KCNMA1: variants seen among roughly 807,000 people sequenced by gnomAD.
KCNMA1 encodes the protein Calcium-activated potassium channel subunit alpha-1.
Under a neutral mutation model 140.0 loss-of-function variants are expected in KCNMA1, and 29 were observed. The observed-to-expected ratio is 0.21, with a 90% confidence interval of 0.15 to 0.28. KCNMA1 has a LOEUF of 0.28. Ranked by LOEUF, KCNMA1 falls within the 10% of genes least tolerant of loss-of-function variation. The probability of loss-of-function intolerance (pLI) is 1.00; values close to 1 mark genes in which losing one functional copy is unlikely to be tolerated. For missense variants in KCNMA1, 880 were observed against 1,602.2 expected, an observed-to-expected ratio of 0.55 and a Z score of 7.70; for synonymous variants, 612 against 611.9, an observed-to-expected ratio of 1.00 and a Z score of 0.00.
At chr10:77,498,471 A>T (rs1272296891) in intron 1 of KCNMA1, 2 of 152,272 alleles carry the variant, frequency 1.3e-5, no homozygotes, top group Non-Finnish European at 2.9e-5. Context: ...GTTAAACAGC[A>T]AGCCAGATGC....
At chr10:77,553,648 C>A (rs765701549) in intron 1 of KCNMA1, among the ~76,000 whole-genome samples, 2 of 152,242 alleles carry the variant, frequency 1.3e-5, no homozygotes, top group African/African-American at 2.4e-5. Context: ...CAGAAAGCTG[C>A]TTCTACTTCA....
intron 2 of KCNMA1, among the ~76,000 whole-genome samples, chr10:77,300,551 A>G (rs1308906940): frequency 6.6e-6 from 1 of 152,224 alleles, no homozygotes; most frequent in African/African-American, 2.4e-5. Flanking sequence ...ATCAGTCCAT[A>G]TGTTAATACA....
chr10:77,490,237 G>A (rs993585289), intron 1 of KCNMA1, among the ~76,000 whole-genome samples: 5 of 152,170 alleles, frequency 3.3e-5, no homozygotes, highest in Admixed American at 3.3e-4. Flanking sequence ...TTGTGGCAAA[G>A]ATTCCTCTTA....
chr10:77,083,822 G>C (rs948219680), intron 12 of KCNMA1, among the ~76,000 whole-genome samples: 3 of 136,024 alleles, frequency 2.2e-5, no homozygotes. Context: ...GCGATAGTGC[G>C]AGACTCTGTC....
Position 76,975,636 on chromosome 10 carries a change from C to T in KCNMA1, c.2267-5569G>A, listed in dbSNP as rs181472558. 1.2e-4 allele frequency among the ~76,000 whole-genome samples: 19 copies of T among 152,282 alleles called. No homozygotes were observed. The East Asian group carries it at 1.4e-3, about 11-fold the overall frequency. On this transcript the variant is annotated intron_variant, in intron 19 of 27. Coordinates refer to ENST00000286628, the MANE Select transcript of KCNMA1 (RefSeq NM_001161352.2). The stretch of plus-strand genomic sequence containing the variant: ...AGCCAGGCAATGGAGCCAAGTTCTA[C>T]GCCCAGAGAGTAGTGGGCAGTATCA...
chr10:76,958,167 A>G (rs989256648), intron 20 of KCNMA1, among the ~76,000 whole-genome samples: 5 of 152,234 alleles, frequency 3.3e-5, no homozygotes, highest in Admixed American at 1.3e-4. Context: ...GAGGATCATG[A>G]GAAATCTCCC....
chr10:77,529,768 G>A (rs186649872), intron 1 of KCNMA1, among the ~76,000 whole-genome samples: 1 of 152,032 alleles, frequency 6.6e-6, no homozygotes, highest in East Asian at 1.9e-4. Flanking sequence ...AGAGTGACCA[G>A]GCCAACCAAG....
intron 1 of KCNMA1, among the ~76,000 whole-genome samples, chr10:77,463,014 C>T (rs2097907913): frequency 6.6e-6 from 1 of 152,150 alleles, no homozygotes; most frequent in South Asian, 2.1e-4. Flanking sequence ...GAAGGTCCTC[C>T]TGGGGTGGGG....
intron 5 of KCNMA1, among the ~76,000 whole-genome samples, chr10:77,151,857 T>G (rs2098422003): frequency 6.6e-6 from 1 of 152,232 alleles, no homozygotes; most frequent in Admixed American, 6.5e-5. Context: ...TCAGGAAATC[T>G]TGCAATTTTC....
chr10:77,593,235 C>T (rs2079776583), intron 1 of KCNMA1, among the ~76,000 whole-genome samples: 1 of 152,122 alleles, frequency 6.6e-6, no homozygotes, highest in Non-Finnish European at 1.5e-5. Context: ...GAACCATAAT[C>T]CAAAGTAAAA....
At chr10:77,304,086 C>A (rs528160191) in intron 2 of KCNMA1, among the ~76,000 whole-genome samples, 16 of 152,232 alleles carry the variant, frequency 1.1e-4, no homozygotes, top group African/African-American at 3.4e-4. Context: ...CCATAAGAAC[C>A]ACAATGGGTC....
intron 2 of KCNMA1, among the ~76,000 whole-genome samples, chr10:77,253,586 C>T (rs2060108655): frequency 6.6e-6 from 1 of 152,166 alleles, no homozygotes; most frequent in Admixed American, 6.5e-5. Context: ...ATCCTGCTAC[C>T]CTCTGAAGAT....
chr10:77,523,249 TAATA>T (rs1471179377), intron 1 of KCNMA1, among the ~76,000 whole-genome samples: 2 of 146,546 alleles, frequency 1.4e-5, no homozygotes, highest in Non-Finnish European at 3.0e-5. Flanking sequence ...AGTAGGTGCT[TAATA>T]AATAGTTATA....
intron 3 of KCNMA1, among the ~76,000 whole-genome samples, chr10:77,237,488 C>T (rs951703131): frequency 1.3e-5 from 2 of 152,196 alleles, no homozygotes; most frequent in Non-Finnish European, 2.9e-5. Context: ...GACAGGGTCT[C>T]ACTCTGTCCC....
At chr10:77,444,410 G>GCC (rs1431561240) in intron 1 of KCNMA1, among the ~76,000 whole-genome samples, 1 of 152,200 alleles carries the variant, frequency 6.6e-6, no homozygotes, top group African/African-American at 2.4e-5. Flanking sequence ...TTCTTCAAAA[G>GCC]CTGTAGCAGC....
At chr10:77,172,666 G>A (rs2098717742) in intron 5 of KCNMA1, among the ~76,000 whole-genome samples, 1 of 147,272 alleles carries the variant, frequency 6.8e-6, no homozygotes, top group Non-Finnish European at 1.5e-5. Flanking sequence ...TATTCATAAG[G>A]TGTATGTTGC....
chr10:77,255,731 G>A (rs950520085), intron 2 of KCNMA1, among the ~76,000 whole-genome samples: 1 of 152,064 alleles, frequency 6.6e-6, no homozygotes, highest in Non-Finnish European at 1.5e-5. Context: ...GGCCAATATG[G>A]TGAAACCCTG....
intron 14 of KCNMA1, among the ~76,000 whole-genome samples, chr10:77,042,623 C>CTTTA (rs1400115042): frequency 1.3e-5 from 2 of 152,048 alleles, no homozygotes; most frequent in Non-Finnish European, 2.9e-5. Context: ...AAATACAAAC[C>CTTTA]TTTATTATTG....
At chr10:77,480,362 G>A (rs150823403) in intron 1 of KCNMA1, among the ~76,000 whole-genome samples, 1 of 152,252 alleles carries the variant, frequency 6.6e-6, no homozygotes, top group East Asian at 1.9e-4. Context: ...GCTCCAGCAG[G>A]CAAATCCCAG....
Sources: gnomAD v4.1 joint callset for allele counts (sites outside exome capture counted in the v4.1 genomes callset) on GRCh38, gnomAD v4.1.1 for gene constraint, MANE v1.5 for transcripts, NCBI Gene and HGNC (gene_info 2026-07-23, HGNC 2026-07-21) for gene names.